The following ACSM3 variants were observed in gnomAD, a reference collection of about 807,000 sequenced individuals.
The protein encoded by ACSM3 is acyl-CoA synthetase medium chain family member 3.
Under a neutral mutation model 74.1 loss-of-function variants are expected in ACSM3, and 61 were observed. The observed-to-expected ratio is 0.82, with a 90% CI of 0.67 to 1.02. ACSM3 has a LOEUF of 1.02. ACSM3 is among the 50% of genes least tolerant of loss of function. The pLI is 0.00. For missense variants in ACSM3, 660 were observed against 697.0 expected (o/e 0.95, Z 0.60); for synonymous variants, 213 against 241.5 (o/e 0.88, Z 1.09).
Position 20,736,378 on chromosome 16 carries a change from T to TAAA in ACSM3, c.-189-13516_-189-13514dup, listed in dbSNP as rs33947944. On this transcript the variant is annotated intron_variant, in intron 1 of 3. Transcript: ENST00000561584. Reference sequence around the variant, plus strand: ...TGTCAGCTATATTACACACAAATGTTAAAAAAAAAAAAAAAAAACAGACAT... The same window carrying TAAA: ...TGTCAGCTATATTACACACAAATGTTAAAAAAAAAAAAAAAAAAAAACAGACAT... 3.3e-3 allele frequency: 426 copies of TAAA among 129,182 alleles called. 4 individuals are homozygous for TAAA. The highest frequency in any genetic ancestry group is 7.9e-3 in the Middle Eastern group (2 of 252). The allele number at this position is 129,182 out of a possible 1,614,324, so 8.0% of individuals were successfully genotyped here. A position where few individuals can be genotyped will look rare whatever the true frequency, so the allele number is the denominator to read the frequency against.
intron 1 of ACSM3, among the ~76,000 whole-genome samples, chr16:20,767,057 T>C (rs1273422531): frequency 6.6e-6 from 1 of 152,094 alleles, no homozygotes; most frequent in African/African-American, 2.4e-5. Flanking sequence ...CCTCTGTACC[T>C]TTTACAGTTT....
At chr16:20,685,391 C>T in intron 1 of ACSM3, 2 of 1,614,204 alleles carry the variant, frequency 1.2e-6, no homozygotes, top group Non-Finnish European at 1.7e-6. Flanking sequence ...GGATTTGGAC[C>T]TCTCTTGCCC....
chr16:20,720,387 C>T (rs888401239), intron 1 of ACSM3, among the ~76,000 whole-genome samples: 3 of 152,196 alleles, frequency 2.0e-5, no homozygotes, highest in South Asian at 2.1e-4. Context: ...CTAGATCTCT[C>T]GCATGTACAG....
At chr16:20,749,410 C>T (rs560738830) in intron 1 of ACSM3, 1 of 152,178 alleles carries the variant, frequency 6.6e-6, no homozygotes, top group Non-Finnish European at 1.5e-5. Flanking sequence ...ATTTCCCAGC[C>T]TCACCATCCT....
At chr16:20,702,012 T>C (rs2079714132) in intron 1 of ACSM3, among the ~76,000 whole-genome samples, 1 of 152,208 alleles carries the variant, frequency 6.6e-6, no homozygotes, top group African/African-American at 2.4e-5. Context: ...TACATGTGCA[T>C]GTATCTTTAT....
intron 1 of ACSM3, among the ~76,000 whole-genome samples, chr16:20,727,992 G>A (rs2079812742): frequency 6.6e-6 from 1 of 152,190 alleles, no homozygotes; most frequent in Admixed American, 6.5e-5. Context: ...TCTCCAATTT[G>A]ATTCTAAAGC....
chr16:20,691,199 T>A (rs200267117), intron 1 of ACSM3: 2 of 1,555,000 alleles, frequency 1.3e-6, no homozygotes, highest in East Asian at 4.7e-5. Flanking sequence ...GGTGAAACAG[T>A]CCTCAGAAAC....
chr16:20,789,512 T>A, intron 9 of ACSM3: 4 of 1,613,864 alleles, frequency 2.5e-6, no homozygotes, highest in Non-Finnish European at 3.4e-6. Flanking sequence ...CCTTTTCCTG[T>A]TTACTCATAT....
intron 12 of ACSM3, 47 bp downstream of exon 12, chr16:20,792,382 A>G (rs904156214): frequency 3.1e-6 from 5 of 1,604,598 alleles, no homozygotes; most frequent in Non-Finnish European, 4.3e-6. Flanking sequence ...TGGCAATTTA[A>G]CACATACTTA....
At position 20,770,188 on chromosome 16, in the gene ACSM3, CTG is replaced by C. The variant is rs1373425080; in HGVS notation, c.155_156del (p.Leu52ArgfsTer10). On this transcript the variant is annotated frameshift_variant, in exon 2 of 14. Transcript: ENST00000289416. LOFTEE classifies it high-confidence loss of function. ...NYESMKQDFK[L>X]GIPEYFNFAK... ...TGAATCCATGAAACAGGACTTCAAACTGGGGATTCCAGAGTATTTCAACTTTG... is the reference window on the plus strand; with the variant it reads ...TGAATCCATGAAACAGGACTTCAAACGGGATTCCAGAGTATTTCAACTTTG... The C allele has an allele frequency of 6.2e-7, 1 of 1,614,178 alleles. No homozygotes were observed. Among genetic ancestry groups the C allele is most frequent in the Non-Finnish European group, 8.5e-7 (1 of 1,180,028 alleles).
At chr16:20,691,826 T>C (rs2079656976) in intron 1 of ACSM3, among the ~76,000 whole-genome samples, 1 of 151,656 alleles carries the variant, frequency 6.6e-6, no homozygotes, top group Admixed American at 6.6e-5. Flanking sequence ...GATTTAAATA[T>C]ATCAGGCTGT....
intron 1 of ACSM3, among the ~76,000 whole-genome samples, chr16:20,705,510 A>G (rs981498040): frequency 6.6e-6 from 1 of 152,144 alleles, no homozygotes; most frequent in Non-Finnish European, 1.5e-5. Context: ...CAAGAGAGAG[A>G]GAGAAGAGGA....
At chr16:20,739,175 G>T in intron 1 of ACSM3, 2 of 1,066,112 alleles carry the variant, frequency 1.9e-6, no homozygotes, top group Non-Finnish European at 1.3e-6. Context: ...GCTCAGTATT[G>T]ATTTTTTTTT....
At chr16:20,684,613 C>G (rs901958604) in intron 1 of ACSM3, among the ~76,000 whole-genome samples, 3 of 152,208 alleles carry the variant, frequency 2.0e-5, no homozygotes, top group Non-Finnish European at 4.4e-5. Context: ...AAAAATGTCA[C>G]TGTCATGCAG....
intron 1 of ACSM3, among the ~76,000 whole-genome samples, chr16:20,709,234 G>A (rs757055245): frequency 6.6e-6 from 1 of 152,130 alleles, no homozygotes; most frequent in Non-Finnish European, 1.5e-5. Context: ...CCTGGGCACA[G>A]AGCGAGACAC....
At chr16:20,791,049 G>C in intron 10 of ACSM3, 1 of 973,914 alleles carries the variant, frequency 1.0e-6, no homozygotes, top group Admixed American at 2.6e-5. Context: ...GAGAGGGACA[G>C]GGGATGCGGG....
At chr16:20,780,044 C>G (rs899225661) in intron 4 of ACSM3, 5 of 155,896 alleles carry the variant, frequency 3.2e-5, no homozygotes, top group African/African-American at 9.6e-5. Flanking sequence ...GGATTACAGG[C>G]GTGAGCCACC....
chr16:20,726,469 G>A (rs1389990459), intron 1 of ACSM3, among the ~76,000 whole-genome samples: 3 of 152,216 alleles, frequency 2.0e-5, no homozygotes, highest in South Asian at 2.1e-4. Flanking sequence ...CAGTGTCAAC[G>A]CCTTTGGTCC....
chr16:20,761,760 A>G (rs541821241), upstream of ACSM3, among the ~76,000 whole-genome samples: 1 of 152,320 alleles, frequency 6.6e-6, no homozygotes, highest in Admixed American at 6.5e-5. Flanking sequence ...CAGCTTTCCA[A>G]TAAGATCTCA....
Sources: allele counts gnomAD v4.1 joint callset (sites outside exome capture counted in the v4.1 genomes callset), GRCh38; gene constraint gnomAD v4.1.1; transcripts MANE v1.5; gene names NCBI Gene and HGNC (gene_info 2026-07-23, HGNC 2026-07-21).